Variants in DEPDC5 observed in about 807,000 individuals in gnomAD.
DEPDC5 encodes the protein DEP domain containing 5, GATOR1 subcomplex subunit.
DEPDC5 carries 73 observed loss-of-function variants against 217.3 expected under a neutral mutation model. The ratio of observed to expected loss-of-function variants is 0.34; its 90% CI spans 0.28 to 0.41. The LOEUF (loss-of-function observed/expected upper bound fraction) is 0.41. Among genes scored for constraint, DEPDC5 ranks in the 10% least tolerant of loss-of-function variants. The pLI, the probability that DEPDC5 is intolerant of heterozygous loss-of-function variation, is 1.00. For missense variants in DEPDC5, 1,675 were observed against 2,070.1 expected (o/e 0.81, Z 3.70); for synonymous variants, 733 against 756.7 (o/e 0.97, Z 0.51).
intron 37 of DEPDC5, among the ~76,000 whole-genome samples, chr22:31,876,545 T>G (rs546087967): frequency 1.3e-5 from 2 of 152,224 alleles, no homozygotes; most frequent in Admixed American, 1.3e-4. Flanking sequence ...ACATCAGTTT[T>G]TGGTAGCTGT....
chr22:31,833,996 T>TG lies in DEPDC5; in HGVS notation c.2170+17dup, dbSNP rs1173146186. On this transcript the variant is annotated intron_variant, in intron 25 of 42. Coordinates refer to ENST00000651528, the MANE Select transcript of DEPDC5 (RefSeq NM_001242896.3). Reference sequence around the variant, plus strand: ...CCAGACCCAAGTAAGAGGGGGCAGCTGACTGGGGAAAGGGGTAGACAGGGA... The same window carrying TG: ...CCAGACCCAAGTAAGAGGGGGCAGCTGGACTGGGGAAAGGGGTAGACAGGGA... 1 of 1,612,908 alleles carries TG rather than the reference T, an allele frequency of 6.2e-7. No homozygotes were observed. Among genetic ancestry groups the TG allele is most frequent in the Admixed American group, 1.7e-5 (1 of 60,012 alleles).
At position 31,810,585 on chromosome 22, in the gene DEPDC5, C is replaced by T. The variant is rs188147862; in HGVS notation, c.1389C>T (p.Asp463=). ...LPIQVDYDAY[D]AQVFRLPGPS... is the part of the protein sequence containing the mutation. ...TCCAAGTAGATTATGACGCCTATGA[C>T]GCTCAAGTGTTCAGGCTGCCCGGCC... The change falls in exon 20 of 43, where the codon GAC becomes GAT. Residue 463 remains aspartate, a synonymous_variant. Transcript: ENST00000651528. The T allele has an allele frequency of 1.8e-4, 286 of 1,614,184 alleles. 5 individuals are homozygous for T. Among genetic ancestry groups the T allele is most frequent in the East Asian group, 1.6e-3 (71 of 44,882 alleles).
Position 31,760,701 on chromosome 22 carries a change from G to A in DEPDC5, c.192G>A (p.Lys64=), listed in dbSNP as rs1381635376. Reference sequence around the variant, plus strand: ...AGTCTCTTAAGGAAGATTTACAGAAGGGTAAGAATTATATCACTCTTCTTA... The same window carrying A: ...AGTCTCTTAAGGAAGATTTACAGAAAGGTAAGAATTATATCACTCTTCTTA... ...QVKSLKEDLQ[K]ETISVDQTVT... Residue 64 remains lysine (K), a splice_region_variant and synonymous_variant, in exon 4 of 43, where the codon AAG becomes AAA. Transcript: ENST00000651528. 1 of 1,609,456 alleles carries A rather than the reference G, an allele frequency of 6.2e-7. No individual in the cohort carries two copies. The highest frequency in any genetic ancestry group is 1.3e-5 in the African/African-American group (1 of 74,656).
chr22:31,866,974 C>CT (rs1481798835), intron 33 of DEPDC5, among the ~76,000 whole-genome samples: 3 of 152,172 alleles, frequency 2.0e-5, no homozygotes, highest in African/African-American at 7.2e-5. Flanking sequence ...CTATGTTTTC[C>CT]TTTTTTATAC....
At chr22:31,771,715 T>TCACACACACACACACACA (rs55851105) in intron 7 of DEPDC5, among the ~76,000 whole-genome samples, 10 of 78,090 alleles carry the variant, frequency 1.3e-4, no homozygotes, top group East Asian at 1.1e-3. Context: ...CAAGACTCCG[T>TCACACACACACACACACA]CACACACACA....
chr22:31,824,668 G>C (rs924730015), intron 24 of DEPDC5, among the ~76,000 whole-genome samples: 2 of 152,036 alleles, frequency 1.3e-5, no homozygotes, highest in Non-Finnish European at 2.9e-5. Flanking sequence ...CTGGCTGCCA[G>C]ATTATTTGTA....
intron 32 of DEPDC5, among the ~76,000 whole-genome samples, chr22:31,860,291 C>G (rs184736202): frequency 6.6e-6 from 1 of 152,178 alleles, no homozygotes; most frequent in East Asian, 1.9e-4. Flanking sequence ...ATCAGCATCT[C>G]CGCAGCCACA....
chr22:31,821,575 G>A lies in DEPDC5; in HGVS notation c.1944G>A (p.Gln648=). 1 of 1,614,224 alleles carries A rather than the reference G, an allele frequency of 6.2e-7. No individual in the cohort carries two copies. Among genetic ancestry groups the A allele is most frequent in the Non-Finnish European group, 8.5e-7 (1 of 1,180,034 alleles). ...QNMAELQGSG[Q]RDPTHSSAEL... ...TGGCGGAGCTACAAGGCAGCGGGCA[G>A]AGGGATCCAACTCACTCCTCTGCAG... The change falls in exon 23 of 43, where the codon CAG becomes CAA. Residue 648 remains glutamine (Q), a synonymous_variant. Transcript: ENST00000651528.
chr22:31,856,151 A>ATG (rs762668496), intron 31 of DEPDC5, among the ~76,000 whole-genome samples: 1 of 89,556 alleles, frequency 1.1e-5, no homozygotes, highest in Non-Finnish European at 2.1e-5. Context: ...AGTTGGGCCA[A>ATG]CGCGCACACA....
intron 2 of DEPDC5, among the ~76,000 whole-genome samples, chr22:31,755,717 G>T (rs185717151): frequency 1.3e-5 from 2 of 151,864 alleles, no homozygotes; most frequent in Admixed American, 1.3e-4. Context: ...GCTCTCCTTA[G>T]TGCCTTGAAT....
intron 8 of DEPDC5, among the ~76,000 whole-genome samples, chr22:31,783,439 T>C (rs563649536): frequency 6.6e-6 from 1 of 152,190 alleles, no homozygotes; most frequent in East Asian, 1.9e-4. Context: ...GGTGTGAGGA[T>C]TGCTTGAGCC....
chr22:31,902,697 T>C (rs1223257720), intron 41 of DEPDC5, among the ~76,000 whole-genome samples: 2 of 152,002 alleles, frequency 1.3e-5, no homozygotes, highest in Non-Finnish European at 2.9e-5. Flanking sequence ...CCTTATCCAC[T>C]CCCACCTCCA....
chr22:31,826,513 T>C, intron 24 of DEPDC5: 1 of 422,624 alleles, frequency 2.4e-6, no homozygotes, highest in South Asian at 1.7e-5. Flanking sequence ...GCTTCTTCCC[T>C]GTCTTTAACC....
chr22:31,822,811 T>C (rs1569018064), intron 24 of DEPDC5, 21 bp downstream of exon 24: 2 of 1,610,434 alleles, frequency 1.2e-6, no homozygotes, highest in Admixed American at 1.7e-5. Flanking sequence ...CAAGAGGTAA[T>C]AGAGTTGGGA....
Position 31,906,122 on chromosome 22 carries a change from A to G in DEPDC5, c.4519+56A>G, listed in dbSNP as rs1219765369. The G allele has an allele frequency of 1.1e-5, 18 of 1,613,550 alleles. No homozygotes were observed. Among genetic ancestry groups the G allele is most frequent in the Non-Finnish European group, 1.5e-5 (18 of 1,179,760 alleles). The stretch of plus-strand genomic sequence containing the variant: ...GGGTCCACATCCCTTTCCTTGCACC[A>G]AGCCTATGGCTGCAGAACCACCTCA... On this transcript the variant is annotated intron_variant, in intron 42 of 42. Transcript: ENST00000651528. The surrounding 1 kb of genome is among the most constrained non-coding windows in gnomAD (Gnocchi z 5.1).
chr22:31,784,568 C>A, intron 9 of DEPDC5: 1 of 369,010 alleles, frequency 2.7e-6, no homozygotes. Flanking sequence ...GGCAGTGAGC[C>A]AGTATCATGC....
intron 13 of DEPDC5, 46 bp from the exon 14 acceptor site, chr22:31,798,536 C>T (rs1382455604): frequency 6.5e-7 from 1 of 1,542,936 alleles, no homozygotes; most frequent in South Asian, 1.1e-5. Flanking sequence ...AAAAAAAGTT[C>T]ATGTTTCATG....
intron 33 of DEPDC5, among the ~76,000 whole-genome samples, chr22:31,864,051 A>G (rs922750790): frequency 3.3e-5 from 5 of 151,444 alleles, no homozygotes; most frequent in Admixed American, 1.3e-4. Context: ...TGCTTTGTGT[A>G]TTTTCTGATG....
At chr22:31,773,523 C>A (rs1321210031) in intron 7 of DEPDC5, among the ~76,000 whole-genome samples, 1 of 152,098 alleles carries the variant, frequency 6.6e-6, no homozygotes, top group Non-Finnish European at 1.5e-5. Context: ...TTTTAAAGAT[C>A]TGTCCTGATA....
Sources: allele counts gnomAD v4.1 joint callset (sites outside exome capture counted in the v4.1 genomes callset), GRCh38; gene constraint gnomAD v4.1.1; non-coding constraint Gnocchi (gnomAD v3.1); transcripts MANE v1.5; gene names NCBI Gene and HGNC (gene_info 2026-07-23, HGNC 2026-07-21).